The following GPM6B variants were observed in gnomAD, a reference collection of about 807,000 sequenced individuals.
The protein encoded by GPM6B is glycoprotein M6B.
A neutral mutation model predicts 27.2 loss-of-function variants in GPM6B; 4 were observed. The observed-to-expected ratio is 0.15, with a 90% CI of 0.07 to 0.34. The LOEUF is 0.34. GPM6B is among the 10% of genes least tolerant of loss of function. GPM6B has a pLI of 1.00. For missense variants in GPM6B, 183 were observed against 261.9 expected (o/e 0.70, Z 2.08); for synonymous variants, 124 against 103.1 (o/e 1.20, Z -1.23).
chrX:13,822,419 A>G (rs113520523), intron 1 of GPM6B, among the ~76,000 whole-genome samples: 191 of 109,358 alleles, frequency 1.7e-3, no homozygotes, highest in African/African-American at 5.7e-3. Flanking sequence ...AGGCTGGAGT[A>G]CAGTGGTGCA....
chrX:13,907,122 G>C lies in GPM6B; in HGVS notation c.-198+31205C>G, dbSNP rs138959075. 2.8e-3 allele frequency among the ~76,000 whole-genome samples: 311 copies of C among 112,445 alleles called. 2 individuals carry two copies. Among genetic ancestry groups the C allele is most frequent in the African/African-American group, 9.6e-3 (298 of 30,993 alleles). On this transcript the variant is annotated intron_variant, in intron 1 of 6. Coordinates refer to the GPM6B transcript ENST00000398361. ...CTAATTATTTATCCTTTTGTGCTCT[G>C]TCAACTCTTAAGCGACCACAAAAGC...
intron 5 of GPM6B, among the ~76,000 whole-genome samples, chrX:13,777,922 G>A (rs947250839): frequency 2.7e-5 from 3 of 112,040 alleles, no homozygotes; most frequent in Admixed American, 9.4e-5. Context: ...GCAATTTGAC[G>A]GAGTAATTTA....
intron 1 of GPM6B, among the ~76,000 whole-genome samples, chrX:13,910,120 C>G (rs992956316): frequency 2.7e-5 from 3 of 112,353 alleles, no homozygotes; most frequent in Non-Finnish European, 5.6e-5. Flanking sequence ...CAGCTACCTC[C>G]ACCCTGGAGG....
At chrX:13,842,420 T>C (rs2049588586) in intron 1 of GPM6B, among the ~76,000 whole-genome samples, 1 of 111,589 alleles carries the variant, frequency 9.0e-6, no homozygotes, top group Non-Finnish European at 1.9e-5. Context: ...ACACATTACG[T>C]CGGTAGGAGC....
chrX:13,799,354 A>G (rs1406980531), intron 2 of GPM6B, among the ~76,000 whole-genome samples: 1 of 104,968 alleles, frequency 9.5e-6, no homozygotes, highest in African/African-American at 3.5e-5. Context: ...CTGGGACTAC[A>G]GGCACCCACC....
intron 1 of GPM6B, among the ~76,000 whole-genome samples, chrX:13,836,591 T>C (rs777230100): frequency 2.1e-4 from 24 of 112,588 alleles, no homozygotes; most frequent in Non-Finnish European, 3.4e-4. Flanking sequence ...TAAAAGCACC[T>C]TACTATTGCA....
At chrX:13,922,225 G>C (rs1203247369) in intron 1 of GPM6B, among the ~76,000 whole-genome samples, 2 of 111,108 alleles carry the variant, frequency 1.8e-5, no homozygotes, top group Admixed American at 1.9e-4. Context: ...GTTGAGGAGA[G>C]GCTGTCCTGT....
chrX:13,797,301 A>T (rs2048835341), intron 2 of GPM6B, among the ~76,000 whole-genome samples: 1 of 111,410 alleles, frequency 9.0e-6, no homozygotes, highest in Non-Finnish European at 1.9e-5. Context: ...TAGAATAAAG[A>T]GAGTGCTGAC....
At chrX:13,869,737 T>A (rs2147262211) in intron 1 of GPM6B, among the ~76,000 whole-genome samples, 1 of 112,385 alleles carries the variant, frequency 8.9e-6, no homozygotes, top group African/African-American at 3.2e-5. Flanking sequence ...GCAAAAATAT[T>A]ACAAAGAGTT....
intron 2 of GPM6B, among the ~76,000 whole-genome samples, chrX:13,796,177 G>A (rs980096194): frequency 2.7e-5 from 3 of 111,320 alleles, no homozygotes; most frequent in Non-Finnish European, 5.7e-5. Context: ...CGCCCACCTC[G>A]GCCTCCCAAA....
At chrX:13,869,656 T>C (rs1003377143) in intron 1 of GPM6B, among the ~76,000 whole-genome samples, 1 of 111,825 alleles carries the variant, frequency 8.9e-6, no homozygotes, top group African/African-American at 3.3e-5. Flanking sequence ...GACATTTCAA[T>C]TATCTTCCAT....
chrX:13,787,041 C>CAAATAAAAAA, intron 2 of GPM6B, among the ~76,000 whole-genome samples: 1 of 24,510 alleles, frequency 4.1e-5, no homozygotes, highest in Non-Finnish European at 6.2e-5. Flanking sequence ...ATTAAGCCAG[C>CAAATAAAAAA]AAAAAAAAAA....
At chrX:13,931,744 T>TA (rs1277924272) in intron 1 of GPM6B, among the ~76,000 whole-genome samples, 1 of 111,771 alleles carries the variant, frequency 8.9e-6, no homozygotes, top group Non-Finnish European at 1.9e-5. Flanking sequence ...TAAAATTCAT[T>TA]ACTCCCATCT....
chrX:13,838,604 G>A (rs902088529), intron 1 of GPM6B, among the ~76,000 whole-genome samples: 1 of 111,846 alleles, frequency 8.9e-6, no homozygotes, highest in African/African-American at 3.3e-5. Context: ...GACATTCAGA[G>A]TGTCAGAGCT....
intron 1 of GPM6B, among the ~76,000 whole-genome samples, chrX:13,888,174 G>A (rs1859004): frequency 0.43 from 48,004 of 110,899 alleles, 8,048 homozygotes; most frequent in East Asian, 0.7. Flanking sequence ...GTCATGGTTT[G>A]GGAACATTTC....
At chrX:13,791,306 T>C (rs2048709403) in intron 2 of GPM6B, among the ~76,000 whole-genome samples, 1 of 110,501 alleles carries the variant, frequency 9.0e-6, no homozygotes, top group Non-Finnish European at 1.9e-5. Context: ...ACCTCCTGGG[T>C]TCAAGTGAGT....
intron 2 of GPM6B, among the ~76,000 whole-genome samples, chrX:13,807,247 G>C (rs2049039196): frequency 8.9e-6 from 1 of 112,285 alleles, no homozygotes; most frequent in African/African-American, 3.2e-5. Flanking sequence ...AGTACTCTCA[G>C]GGCCAAGGCT....
chrX:13,879,700 A>T (rs1603107711), intron 1 of GPM6B, among the ~76,000 whole-genome samples: 1 of 112,423 alleles, frequency 8.9e-6, no homozygotes, highest in African/African-American at 3.2e-5. Flanking sequence ...TCTGCTCCTC[A>T]GCCATGTTTA....
At position 13,932,605 on chromosome X, in the gene GPM6B, A is replaced by C. The variant is rs58748577; in HGVS notation, c.-198+5722T>G. 0.013 allele frequency among the ~76,000 whole-genome samples: 1,421 copies of C among 111,807 alleles called. 43 individuals are homozygous for C. In the East Asian group the frequency reaches 0.16, roughly 13 times the overall value. On this transcript the variant is annotated intron_variant, in intron 1 of 6. Transcript: ENST00000398361. Reference sequence around the variant, plus strand: ...ATACTCCCCTGAGAGCCCCATGGTGATGGACATGTGACAGGAATTCAAAGG... The same window carrying C: ...ATACTCCCCTGAGAGCCCCATGGTGCTGGACATGTGACAGGAATTCAAAGG...
Sources: gnomAD v4.1 joint callset for allele counts (sites outside exome capture counted in the v4.1 genomes callset) on GRCh38, gnomAD v4.1.1 for gene constraint, MANE v1.5 for transcripts, NCBI Gene and HGNC (gene_info 2026-07-23, HGNC 2026-07-21) for gene names.